CBFA2T3: variants seen among roughly 807,000 people sequenced by gnomAD.
CBFA2T3 encodes the protein CBFA2/RUNX1 partner transcriptional co-repressor 3.
A neutral mutation model predicts 58.6 loss-of-function variants in CBFA2T3; 31 were observed. The ratio of observed to expected loss-of-function variants is 0.53; its 90% confidence interval spans 0.40 to 0.71. The LOEUF (loss-of-function observed/expected upper bound fraction) is 0.71, where lower values mean the gene tolerates loss of function less well. Among genes scored for constraint, CBFA2T3 ranks in the 30% least tolerant of loss-of-function variants. The pLI is 0.00. For synonymous variants in CBFA2T3, 531 were observed against 421.9 expected (o/e 1.26, Z -3.17); for missense variants, 1,076 against 963.1 (o/e 1.12, Z -1.55).
In CBFA2T3 at chr16:88,891,960, C is replaced by G; in HGVS notation, c.633G>C (p.Leu211Phe). 6.2e-7 allele frequency: 1 copy of G among 1,612,974 alleles called. No individual in the cohort carries two copies. The highest frequency in any genetic ancestry group is 8.5e-7 in the Non-Finnish European group (1 of 1,179,548). Residue 211 changes from leucine to phenylalanine, a missense_variant, in exon 5 of 12, where the codon TTG becomes TTC. By Grantham distance (22) the Leu-to-Phe change is conservative. Coordinates refer to ENST00000268679, the MANE Select transcript of CBFA2T3 (RefSeq NM_005187.6). ...TLVLGLVNST[L>F]TIEEFHSKLQ... ...GCTTGGAATGAAACTCCTCGATCGTCAATGTCGAGTTCTGCAGGGGAGAAA... is the reference window on the plus strand; with the variant it reads ...GCTTGGAATGAAACTCCTCGATCGTGAATGTCGAGTTCTGCAGGGGAGAAA...
intron 1 of CBFA2T3, among the ~76,000 whole-genome samples, chr16:88,935,350 G>C (rs1379785240): frequency 6.6e-6 from 1 of 152,210 alleles, no homozygotes; most frequent in African/African-American, 2.4e-5. Context: ...CCCAGGCCTG[G>C]TGAGAGCCCC....
At chr16:88,942,500 G>C (rs1003925730) in intron 1 of CBFA2T3, among the ~76,000 whole-genome samples, 1 of 152,138 alleles carries the variant, frequency 6.6e-6, no homozygotes, top group Non-Finnish European at 1.5e-5. Flanking sequence ...TTTGTGCCGC[G>C]GGCCTTTTCC....
chr16:88,879,181 G>A lies in CBFA2T3; in HGVS notation c.1662+89C>T, dbSNP rs560387796. ...CCCGTGACAACTGTGCTGATGCCAC[G>A]TGGAGGCTCAGAATCCTCATGGGGG... On this transcript the variant is annotated intron_variant, in intron 11 of 11. Coordinates refer to ENST00000268679, the MANE Select transcript of CBFA2T3 (RefSeq NM_005187.6). 3.8e-5 allele frequency: 45 copies of A among 1,181,222 alleles called. 1 individual carries two copies. In the Middle Eastern group the frequency reaches 8.6e-4, roughly 23 times the overall value. 73.2% of individuals were successfully genotyped at this position (1,181,222 alleles called of 1,614,324 possible). A position where few individuals can be genotyped will look rare whatever the true frequency, so the allele number is the denominator to read the frequency against.
rs1487428689 is a variant in CBFA2T3, at chr16:88,958,920, C to T, written c.151+17737G>A. Reference sequence around the variant, plus strand: ...CCCTTTTCCCTTTGCCTCCATGGAGCGGGCCTGAGTTCCCAGAGGGCTGAT... The same window carrying T: ...CCCTTTTCCCTTTGCCTCCATGGAGTGGGCCTGAGTTCCCAGAGGGCTGAT... On this transcript the variant is annotated intron_variant, in intron 1 of 11. Transcript: ENST00000268679. The surrounding 1 kb of genome is among the most constrained non-coding windows in gnomAD (Gnocchi z 4.0). Among the ~76,000 whole-genome samples the T allele has an allele frequency of 2.6e-5, 4 of 152,162 alleles. No homozygotes were observed. Among genetic ancestry groups the T allele is most frequent in the East Asian group, 1.9e-4 (1 of 5,194 alleles).
At chr16:88,884,975 C>A in intron 7 of CBFA2T3, 71 bp downstream of exon 7, 1 of 1,197,374 alleles carries the variant, frequency 8.4e-7, no homozygotes, top group Non-Finnish European at 1.2e-6. Context: ...CCCACATGCT[C>A]AGGTGTACAT....
At chr16:88,878,112 G>A (rs1156447157) in intron 11 of CBFA2T3, among the ~76,000 whole-genome samples, 1 of 152,222 alleles carries the variant, frequency 6.6e-6, no homozygotes, top group Non-Finnish European at 1.5e-5. Context: ...CGATGCCTGC[G>A]TGGCCAGCTT....
chr16:88,921,112 A>G (rs1047721295), intron 1 of CBFA2T3, among the ~76,000 whole-genome samples: 1 of 152,236 alleles, frequency 6.6e-6, no homozygotes, highest in African/African-American at 2.4e-5. Flanking sequence ...CACAGGGCGG[A>G]GGCCTGGGGC....
At chr16:88,928,926 G>A (rs1299748552) in intron 1 of CBFA2T3, among the ~76,000 whole-genome samples, 1 of 152,236 alleles carries the variant, frequency 6.6e-6, no homozygotes, top group African/African-American at 2.4e-5. Context: ...CTGAACTGCA[G>A]CCAGGCACGG....
chr16:88,928,819 A>ACC (rs1971174820), intron 1 of CBFA2T3, among the ~76,000 whole-genome samples: 1 of 152,214 alleles, frequency 6.6e-6, no homozygotes, highest in Non-Finnish European at 1.5e-5. Context: ...GGCCACTGAA[A>ACC]AGGTGCCATC....
At chr16:88,940,051 C>T (rs2142802538) in intron 1 of CBFA2T3, 1 of 152,728 alleles carries the variant, frequency 6.5e-6, no homozygotes, top group Admixed American at 6.5e-5. Flanking sequence ...AGAAGCCGCA[C>T]CCTGGCTGGG....
At chr16:88,974,298 C>T (rs772791838) in intron 1 of CBFA2T3, among the ~76,000 whole-genome samples, 40 of 152,276 alleles carry the variant, frequency 2.6e-4, no homozygotes, top group East Asian at 5.8e-4. Flanking sequence ...CCGCAAGCAC[C>T]GTCTTCAGGG....
At chr16:88,904,959 G>A (rs892284602) in intron 1 of CBFA2T3, among the ~76,000 whole-genome samples, 4 of 152,314 alleles carry the variant, frequency 2.6e-5, no homozygotes, top group Non-Finnish European at 4.4e-5. Context: ...ACGTGTGGCC[G>A]GGACCTGCTC....
chr16:88,929,187 T>G (rs147376209), intron 1 of CBFA2T3, among the ~76,000 whole-genome samples: 138 of 152,188 alleles, frequency 9.1e-4, no homozygotes, highest in Non-Finnish European at 1.8e-3. Flanking sequence ...CATAACTGTT[T>G]GTGGAATCAA....
chr16:88,930,682 G>A (rs1971265546), intron 1 of CBFA2T3, among the ~76,000 whole-genome samples: 2 of 137,588 alleles, frequency 1.5e-5, no homozygotes. Flanking sequence ...TGGGGGTGGA[G>A]GAGCGAGGAG....
intron 1 of CBFA2T3, among the ~76,000 whole-genome samples, chr16:88,942,239 C>T (rs796365662): frequency 6.6e-6 from 1 of 152,308 alleles, no homozygotes; most frequent in African/African-American, 2.4e-5. Flanking sequence ...GCGCATTTGC[C>T]TGCTTAGTAC....
chr16:88,954,312 G>GTCCTGACCCCACCCAAGAC (rs1972151592), intron 1 of CBFA2T3, among the ~76,000 whole-genome samples: 1 of 147,760 alleles, frequency 6.8e-6, no homozygotes, highest in South Asian at 2.2e-4. Context: ...CCACCCAAGG[G>GTCCTGACCCCACCCAAGAC]TCCTGACCCC....
intron 1 of CBFA2T3, chr16:88,941,888 G>C (rs572986982): frequency 9.4e-5 from 14 of 148,838 alleles, no homozygotes; most frequent in Admixed American, 5.3e-4. Context: ...GGGGAGTTGG[G>C]GGGGAGGTCG....
At chr16:88,888,857 C>T (rs1969507522) in intron 5 of CBFA2T3, among the ~76,000 whole-genome samples, 1 of 151,900 alleles carries the variant, frequency 6.6e-6, no homozygotes, top group Non-Finnish European at 1.5e-5. Context: ...CCACACAGGC[C>T]GTGGGATCCC....
At chr16:88,912,532 C>T (rs1487408387) in intron 1 of CBFA2T3, among the ~76,000 whole-genome samples, 34 of 152,190 alleles carry the variant, frequency 2.2e-4, no homozygotes, top group Admixed American at 1.6e-3. Context: ...CTTCCCTGAC[C>T]GCCCATGTCC....
Sources: allele counts gnomAD v4.1 joint callset (sites outside exome capture counted in the v4.1 genomes callset), GRCh38; gene constraint gnomAD v4.1.1; non-coding constraint Gnocchi (gnomAD v3.1); transcripts MANE v1.5; gene names NCBI Gene and HGNC (gene_info 2026-07-23, HGNC 2026-07-21).